The following H3C6 variants were observed in gnomAD, a reference collection of about 807,000 sequenced individuals.
H3C6 encodes histone H3.1.
Under a neutral mutation model 8.0 loss-of-function variants are expected in H3C6, and 17 were observed. The ratio of observed to expected loss-of-function variants is 2.13; its 90% CI spans 1.46 to 3.19. H3C6 has a LOEUF of 3.19. H3C6 is among the 30% of genes most tolerant of loss of function. The probability of loss-of-function intolerance (pLI) is 0.00; values close to 1 mark genes in which losing one functional copy is unlikely to be tolerated. For synonymous variants in H3C6, 169 were observed against 78.0 expected (o/e 2.17, Z -6.15); for missense variants, 298 against 193.8 (o/e 1.54, Z -3.19).
downstream of H3C6, chr6:26,226,522 G>A (rs1015707261): frequency 6.6e-6 from 1 of 152,256 alleles, no homozygotes; most frequent in African/African-American, 2.4e-5. Flanking sequence ...CTTCCGAGTA[G>A]CTGGGATTAC....
downstream of H3C6, chr6:26,226,361 CTTAT>C (rs70977262): frequency 0.23 from 33,466 of 146,286 alleles, 3,941 homozygotes; most frequent in East Asian, 0.29. Context: ...TTTTTCTTTT[CTTAT>C]TTATTTATTT....
At chr6:26,225,764 C>T (rs1168766853), downstream of H3C6, 11 of 659,712 alleles carry the variant, frequency 1.7e-5, no homozygotes, top group East Asian at 3.1e-5. Flanking sequence ...AGGTTTTCGC[C>T]TAGGGCTGGG....
In H3C6 at chr6:26,225,429, CGCT is replaced by C; in HGVS notation, c.278_280del (p.Leu93del). 1.2e-6 allele frequency: 2 copies of C among 1,614,232 alleles called. No individual in the cohort carries two copies. The highest frequency in any genetic ancestry group is 1.7e-5 in the Admixed American group (1 of 60,032). ...CGCTTCCAGAGTTCCGCGGTGATGG[CGCT>C]GCAGGAGGCCTGCGAGGCCTACTTG... On this transcript the variant is annotated inframe_deletion, in exon 1 of 1. Transcript: ENST00000614911.
Sources: allele counts gnomAD v4.1 joint callset, GRCh38; gene constraint gnomAD v4.1.1; transcripts MANE v1.5; gene names NCBI Gene and HGNC (gene_info 2026-07-23, HGNC 2026-07-21).